TSGA10: variants seen among roughly 807,000 people sequenced by gnomAD.
TSGA10 encodes testis-specific gene 10 protein.
Under a neutral mutation model 96.6 loss-of-function variants are expected in TSGA10, and 43 were observed. That is an observed-to-expected ratio of 0.44 (90% CI 0.35 to 0.57). The LOEUF is 0.57. TSGA10 is among the 20% of genes least tolerant of loss of function. The pLI is 0.01. For missense variants in TSGA10, 703 were observed against 834.4 expected (o/e 0.84, Z 1.94); for synonymous variants, 229 against 269.9 (o/e 0.85, Z 1.48).
At chr2:99,030,217 C>G (rs1028362054) in intron 17 of TSGA10, among the ~76,000 whole-genome samples, 1 of 152,042 alleles carries the variant, frequency 6.6e-6, no homozygotes, top group Non-Finnish European at 1.5e-5. Flanking sequence ...TGTGTTGGCA[C>G]ATGCCTGTAA....
In TSGA10 at chr2:99,150,595, T is replaced by C. The variant is rs746956925; in HGVS notation, c.-621+4098A>G. The C allele has an allele frequency of 3.1e-6, 5 of 1,613,774 alleles. No individual in the cohort carries two copies. The South Asian group carries it at 3.3e-5, about 11-fold the overall frequency. On this transcript the variant is annotated intron_variant, in intron 1 of 20. Coordinates refer to ENST00000393483, the MANE Select transcript of TSGA10 (RefSeq NM_025244.4). Reference sequence around the variant, plus strand: ...ACTTAGTAAATCTGCTACTCAGGTATCTGCTATACATATGGATTCAAAAGT... The same window carrying C: ...ACTTAGTAAATCTGCTACTCAGGTACCTGCTATACATATGGATTCAAAAGT...
chr2:99,052,889 CCATCTCTACCAAAAACACAAAAATTAG>C (rs1314879361), intron 16 of TSGA10, among the ~76,000 whole-genome samples: 1 of 151,906 alleles, frequency 6.6e-6, no homozygotes, highest in East Asian at 1.9e-4. Context: ...GGCAACATGC[CCATCTCTACCAAAAACACAAAAATTAG>C]CTGAGCATAG....
chr2:99,147,230 G>A, intron 1 of TSGA10: 2 of 453,514 alleles, frequency 4.4e-6, no homozygotes, highest in Non-Finnish European at 3.9e-6. Context: ...CAAACTGCTG[G>A]ACTCAAGAGA....
intron 20 of TSGA10, among the ~76,000 whole-genome samples, chr2:99,015,697 C>G (rs1231645794): frequency 6.6e-6 from 1 of 152,080 alleles, no homozygotes; most frequent in Non-Finnish European, 1.5e-5. Flanking sequence ...TCAGTAGAGT[C>G]AAACTATCAC....
chr2:99,147,621 T>G (rs2093645864), intron 1 of TSGA10: 1 of 815,170 alleles, frequency 1.2e-6, no homozygotes, highest in Non-Finnish European at 1.9e-6. Flanking sequence ...TGATTTCAAA[T>G]GCCATGTTTT....
chr2:99,003,331 A>T (rs990315525), intron 20 of TSGA10, among the ~76,000 whole-genome samples: 2 of 152,144 alleles, frequency 1.3e-5, no homozygotes, highest in Non-Finnish European at 2.9e-5. Context: ...AGAGACTTAG[A>T]CTCCCACAAA....
At chr2:99,023,173 T>C (rs2104977002) in intron 17 of TSGA10, among the ~76,000 whole-genome samples, 1 of 152,248 alleles carries the variant, frequency 6.6e-6, no homozygotes, top group East Asian at 1.9e-4. Context: ...TTAATTTTTG[T>C]ATTTTTTGTA....
At chr2:99,042,713 T>C (rs1182158438) in intron 16 of TSGA10, among the ~76,000 whole-genome samples, 1 of 152,094 alleles carries the variant, frequency 6.6e-6, no homozygotes, top group African/African-American at 2.4e-5. Context: ...GTGAGCTTTT[T>C]TTTTTTTTGA....
At chr2:99,100,602 C>T (rs1049125318) in intron 10 of TSGA10, among the ~76,000 whole-genome samples, 2 of 151,786 alleles carry the variant, frequency 1.3e-5, no homozygotes, top group Admixed American at 6.6e-5. Context: ...GGGCAGATCA[C>T]GAGGTCAGGA....
At chr2:99,035,126 A>G (rs1267429917) in intron 17 of TSGA10, 104 bp downstream of exon 17, 3 of 794,576 alleles carry the variant, frequency 3.8e-6, no homozygotes, top group Non-Finnish European at 5.8e-6. Context: ...AAGTTCAAAG[A>G]CATGGATTCA....
chr2:99,150,586 AC>A lies in TSGA10; in HGVS notation c.-621+4106del, dbSNP rs753225943. 4 of 1,613,442 alleles carry A rather than the reference AC, an allele frequency of 2.5e-6. No homozygotes were observed. In the Admixed American group the frequency reaches 5.0e-5, roughly 20 times the overall value. On this transcript the variant is annotated intron_variant, in intron 1 of 20. Transcript: ENST00000393483. ...GGGATTTTCACTTAGTAAATCTGCT[AC>A]TCAGGTATCTGCTATACATATGGAT...
At chr2:99,032,740 A>G (rs889300092) in intron 17 of TSGA10, among the ~76,000 whole-genome samples, 1 of 152,174 alleles carries the variant, frequency 6.6e-6, no homozygotes, top group Non-Finnish European at 1.5e-5. Context: ...AAATTTTAGG[A>G]GAGGCTGAAG....
intron 10 of TSGA10, among the ~76,000 whole-genome samples, chr2:99,097,501 T>C (rs575713421): frequency 6.6e-6 from 1 of 152,230 alleles, no homozygotes; most frequent in African/African-American, 2.4e-5. Flanking sequence ...GAAGTTAAGA[T>C]GGGTAAATGG....
intron 16 of TSGA10, among the ~76,000 whole-genome samples, chr2:99,038,330 T>C (rs1573713271): frequency 6.6e-6 from 1 of 152,104 alleles, no homozygotes; most frequent in East Asian, 1.9e-4. Context: ...ATGTAAATGG[T>C]CTAAATGCTC....
chr2:99,071,800 T>C lies in TSGA10; in HGVS notation c.1013A>G (p.Asp338Gly). 1 of 1,614,090 alleles carries C rather than the reference T, an allele frequency of 6.2e-7. No individual in the cohort carries two copies. Among genetic ancestry groups the C allele is most frequent in the Non-Finnish European group, 8.5e-7 (1 of 1,179,934 alleles). The change falls in exon 14 of 21, where the codon GAT becomes GGT. Residue 338 changes from aspartate (D) to glycine (G), a missense_variant. Physicochemically the swap from Asp to Gly is moderately conservative, Grantham distance 94. This residue lies in a region of TSGA10 where 585 missense variants were observed against 656.8 expected (regional missense o/e 0.89). Coordinates refer to ENST00000393483, the MANE Select transcript of TSGA10 (RefSeq NM_025244.4). ...RMRRQLDETN[D>G]ELAQIARERD... ...TTCCCTGGCGATCTGGGCCAGCTCA[T>C]CATTTGTCTCATCCAATTGCCGACG...
At chr2:99,064,857 T>G (rs547004222) in intron 16 of TSGA10, 82 bp downstream of exon 16, 25 of 1,181,026 alleles carry the variant, frequency 2.1e-5, no homozygotes, top group Admixed American at 2.7e-5. Context: ...TGTTTGTTCA[T>G]ACATTTAATT....
intron 15 of TSGA10, among the ~76,000 whole-genome samples, chr2:99,067,812 A>G (rs1574016834): frequency 6.6e-6 from 1 of 151,196 alleles, no homozygotes; most frequent in Non-Finnish European, 1.5e-5. Flanking sequence ...GCACCACTGC[A>G]CTCCAGCCTG....
intron 12 of TSGA10, among the ~76,000 whole-genome samples, chr2:99,074,614 T>G (rs746245536): frequency 1.3e-5 from 2 of 152,198 alleles, no homozygotes; most frequent in Non-Finnish European, 2.9e-5. Flanking sequence ...AAATATAATT[T>G]AATACATTTC....
intron 1 of TSGA10, chr2:99,150,452 A>C (rs1233717293): frequency 3.2e-6 from 4 of 1,259,472 alleles, no homozygotes; most frequent in Non-Finnish European, 4.4e-6. Context: ...TTCCTGCTGC[A>C]TTCACTTGTT....
Sources: allele counts gnomAD v4.1 joint callset (sites outside exome capture counted in the v4.1 genomes callset), GRCh38; gene constraint gnomAD v4.1.1; regional missense constraint gnomAD v4.1.1; transcripts MANE v1.5; gene names NCBI Gene and HGNC (gene_info 2026-07-23, HGNC 2026-07-21).